Variants in EXOC4 observed in about 807,000 individuals in gnomAD.
EXOC4 encodes SEC8-like 1.
Under a neutral mutation model 107.2 loss-of-function variants are expected in EXOC4, and 71 were observed. That is an observed-to-expected ratio of 0.66 (90% CI 0.55 to 0.81). The LOEUF is 0.81. Among genes scored for constraint, EXOC4 ranks in the 30% least tolerant of loss-of-function variants. EXOC4 has a pLI of 0.00. For synonymous variants in EXOC4, 456 were observed against 441.2 expected (o/e 1.03, Z -0.42); for missense variants, 1,108 against 1,189.6 (o/e 0.93, Z 1.01).
chr7:133,736,944 G>A (rs556543177), intron 10 of EXOC4, among the ~76,000 whole-genome samples: 4 of 152,164 alleles, frequency 2.6e-5, no homozygotes, highest in South Asian at 2.1e-4. Flanking sequence ...AATTGTTTTT[G>A]TTTTTTCTTT....
chr7:133,346,821 C>A (rs948089779), intron 5 of EXOC4, among the ~76,000 whole-genome samples: 5 of 152,130 alleles, frequency 3.3e-5, no homozygotes, highest in Admixed American at 2.6e-4. Flanking sequence ...GTGTATCATG[C>A]GTAGTATAAG....
chr7:133,395,230 A>C (rs893824445), intron 7 of EXOC4, among the ~76,000 whole-genome samples: 5 of 152,050 alleles, frequency 3.3e-5, no homozygotes, highest in Non-Finnish European at 5.9e-5. Context: ...CACATTAAGG[A>C]AAGTTTGCAT....
chr7:133,336,280 C>G (rs923103705), intron 5 of EXOC4, among the ~76,000 whole-genome samples: 1 of 152,030 alleles, frequency 6.6e-6, no homozygotes, highest in African/African-American at 2.4e-5. Context: ...TGAGGCCTAC[C>G]CCCCTGTGTT....
At position 133,743,926 on chromosome 7, in the gene EXOC4, C is replaced by T. The variant is rs115749740; in HGVS notation, c.1515-73399C>T. ...GGGAAGGAGAAAACCAGAGGATTTC[C>T]TAGTTTTGGAGAGAGAACTCTGAGG... On this transcript the variant is annotated intron_variant, in intron 10 of 17. Transcript: ENST00000253861. 2.4e-3 allele frequency among the ~76,000 whole-genome samples: 360 copies of T among 152,140 alleles called. 5 individuals are homozygous for T. Among genetic ancestry groups the T allele is most frequent in the African/African-American group, 8.1e-3 (336 of 41,516 alleles).
At chr7:134,005,197 C>A in intron 16 of EXOC4, 107 bp downstream of exon 16, 1 of 1,185,322 alleles carries the variant, frequency 8.4e-7, no homozygotes, top group South Asian at 1.5e-5. Context: ...GAGTTGTTTG[C>A]TTGCTTGCTT....
intron 9 of EXOC4, among the ~76,000 whole-genome samples, chr7:133,580,094 G>A (rs1001256076): frequency 1.3e-5 from 2 of 152,166 alleles, no homozygotes; most frequent in African/African-American, 2.4e-5. Context: ...TTAGCGTAAT[G>A]TTCTCAAAGT....
chr7:133,445,943 A>G (rs1227223119), intron 7 of EXOC4, among the ~76,000 whole-genome samples: 1 of 151,720 alleles, frequency 6.6e-6, no homozygotes, highest in Admixed American at 6.6e-5. Context: ...CTGAGCCCAG[A>G]AGGTCGAGAT....
In EXOC4 at chr7:133,885,207, GGGAGGCTGAGGCA is replaced by G. The variant is rs530516695; in HGVS notation, c.1735-10387_1735-10375del. Among the ~76,000 whole-genome samples the G allele has an allele frequency of 7.9e-5, 12 of 151,956 alleles. No homozygotes were observed. In the South Asian group the frequency reaches 2.5e-3, roughly 32 times the overall value. On this transcript the variant is annotated intron_variant, in intron 11 of 17. Transcript: ENST00000253861. ...CACGCGCCTGTAGTCCCAGCTACTCGGGAGGCTGAGGCAGGAGAATCACTTGAACCCGGGAGAC... is the reference window on the plus strand; with the variant it reads ...CACGCGCCTGTAGTCCCAGCTACTCGGGAGAATCACTTGAACCCGGGAGAC...
intron 9 of EXOC4, among the ~76,000 whole-genome samples, chr7:133,570,435 A>G (rs930792505): frequency 1.3e-5 from 2 of 152,166 alleles, no homozygotes; most frequent in African/African-American, 4.8e-5. Context: ...CTTTTCTTTC[A>G]GCACATGTCG....
intron 10 of EXOC4, among the ~76,000 whole-genome samples, chr7:133,666,759 C>T (rs1409489232): frequency 2.0e-5 from 3 of 152,124 alleles, no homozygotes; most frequent in Non-Finnish European, 2.9e-5. Flanking sequence ...GCCACAATAC[C>T]TGCTTCCAAG....
chr7:133,871,688 C>T (rs1306880427), intron 11 of EXOC4, among the ~76,000 whole-genome samples: 1 of 152,136 alleles, frequency 6.6e-6, no homozygotes, highest in Non-Finnish European at 1.5e-5. Flanking sequence ...CACATTCTTC[C>T]TCTACCAGTG....
At chr7:133,964,215 C>T (rs990585459) in intron 14 of EXOC4, among the ~76,000 whole-genome samples, 1 of 152,116 alleles carries the variant, frequency 6.6e-6, no homozygotes, top group Non-Finnish European at 1.5e-5. Flanking sequence ...TCATAGAATT[C>T]AGACCTCCTG....
At chr7:133,507,294 G>T (rs1200252806) in intron 9 of EXOC4, among the ~76,000 whole-genome samples, 1 of 152,090 alleles carries the variant, frequency 6.6e-6, no homozygotes, top group Non-Finnish European at 1.5e-5. Flanking sequence ...GAAGTTACAA[G>T]ATTTCATTAA....
intron 10 of EXOC4, among the ~76,000 whole-genome samples, chr7:133,785,978 C>T (rs2551028): frequency 0.99 from 150,329 of 152,350 alleles, 74,210 homozygotes; most frequent in Middle Eastern, 1. Flanking sequence ...CAGAAATGGA[C>T]ACATGTTTTA....
intron 5 of EXOC4, among the ~76,000 whole-genome samples, chr7:133,323,659 G>C (rs1266542824): frequency 1.3e-5 from 2 of 152,192 alleles, no homozygotes; most frequent in African/African-American, 4.8e-5. Context: ...AGGGATATTG[G>C]TCTAAAATTC....
intron 10 of EXOC4, among the ~76,000 whole-genome samples, chr7:133,706,489 T>C (rs140590424): frequency 0.01 from 1,576 of 152,274 alleles, 14 homozygotes; most frequent in Non-Finnish European, 0.017. Flanking sequence ...AGGAGAAATA[T>C]AGTGCAAGCC....
chr7:133,928,389 G>GC (rs1800099094), intron 13 of EXOC4, among the ~76,000 whole-genome samples: 1 of 152,136 alleles, frequency 6.6e-6, no homozygotes, highest in Non-Finnish European at 1.5e-5. Flanking sequence ...TGTAATCTTG[G>GC]CCCCACTCTG....
intron 11 of EXOC4, among the ~76,000 whole-genome samples, chr7:133,855,353 T>C (rs1798352968): frequency 6.6e-6 from 1 of 151,350 alleles, no homozygotes; most frequent in Non-Finnish European, 1.5e-5. Flanking sequence ...TACCTCTATA[T>C]TACAGCAGGT....
intron 4 of EXOC4, among the ~76,000 whole-genome samples, chr7:133,309,942 AAAAC>A (rs369922018): frequency 7.9e-5 from 12 of 152,194 alleles, no homozygotes; most frequent in Non-Finnish European, 1.2e-4. Flanking sequence ...TCCATCTCAA[AAAAC>A]AAACAAACAA....
Sources: gnomAD v4.1 joint callset for allele counts (sites outside exome capture counted in the v4.1 genomes callset) on GRCh38, gnomAD v4.1.1 for gene constraint, MANE v1.5 for transcripts, NCBI Gene and HGNC (gene_info 2026-07-23, HGNC 2026-07-21) for gene names.